The following BCR variants were observed in gnomAD, a reference collection of about 807,000 sequenced individuals.
BCR encodes BCR activator of RhoGEF and GTPase.
In BCR, 58 loss-of-function variants were observed where a neutral mutation model predicts 138.6. That is an observed-to-expected ratio of 0.42 (90% CI 0.34 to 0.52). The LOEUF is 0.52. Among genes scored for constraint, BCR ranks in the 20% least tolerant of loss-of-function variants. The probability of loss-of-function intolerance (pLI) is 0.06; values close to 1 mark genes in which losing one functional copy is unlikely to be tolerated. For missense variants in BCR, 1,599 were observed against 1,727.2 expected (o/e 0.93, Z 1.32); for synonymous variants, 786 against 730.1 (o/e 1.08, Z -1.23).
At chr22:23,267,558 G>A (rs919906198) in intron 4 of BCR, among the ~76,000 whole-genome samples, 11 of 152,220 alleles carry the variant, frequency 7.2e-5, no homozygotes, top group African/African-American at 2.7e-4. Context: ...AGCCGTGAAT[G>A]CCTTGGGCTT....
At chr22:23,208,717 TG>T (rs2072646164) in intron 1 of BCR, among the ~76,000 whole-genome samples, 1 of 152,136 alleles carries the variant, frequency 6.6e-6, no homozygotes, top group South Asian at 2.1e-4. Context: ...TAGCCAGGCA[TG>T]GTAGCGGGCG....
chr22:23,309,170 C>T (rs1391589147), intron 16 of BCR, among the ~76,000 whole-genome samples: 1 of 152,062 alleles, frequency 6.6e-6, no homozygotes, highest in Admixed American at 6.5e-5. Flanking sequence ...CAGCTCCCAA[C>T]TGGGCGGGGC....
At chr22:23,213,372 T>C (rs899423980) in intron 1 of BCR, among the ~76,000 whole-genome samples, 2 of 152,116 alleles carry the variant, frequency 1.3e-5, no homozygotes, top group East Asian at 3.9e-4. Context: ...CTGAGAGGTG[T>C]GGAGAGTCGT....
intron 20 of BCR, among the ~76,000 whole-genome samples, chr22:23,313,549 G>A (rs1404022785): frequency 6.6e-6 from 1 of 152,212 alleles, no homozygotes; most frequent in East Asian, 1.9e-4. Context: ...GGACGACGAG[G>A]GGGTCTCTGC....
At chr22:23,209,568 G>C (rs2072658254) in intron 1 of BCR, among the ~76,000 whole-genome samples, 1 of 136,720 alleles carries the variant, frequency 7.3e-6, no homozygotes, top group Non-Finnish European at 1.5e-5. Flanking sequence ...TTTTGAGATG[G>C]AGTCTCGCTC....
rs112118235 is a variant in BCR, at chr22:23,232,376, G to GT, written c.1280-21420dup. 5.0e-3 allele frequency among the ~76,000 whole-genome samples: 759 copies of GT among 152,346 alleles called. 8 individuals carry two copies. The highest frequency in any genetic ancestry group is 0.018 in the African/African-American group (730 of 41,576). Reference sequence around the variant, plus strand: ...CCCACCTGGGCAGTGGTAGGGCTGGGTTTGAACCAAGGTCTGCACTGCCCA... The same window carrying GT: ...CCCACCTGGGCAGTGGTAGGGCTGGGTTTTGAACCAAGGTCTGCACTGCCCA... On this transcript the variant is annotated intron_variant, in intron 1 of 22. Coordinates refer to ENST00000305877, the MANE Select transcript of BCR (RefSeq NM_004327.4).
intron 14 of BCR, chr22:23,290,841 C>CT (rs916081439): frequency 9.2e-6 from 2 of 218,380 alleles, no homozygotes; most frequent in African/African-American, 4.5e-5. Context: ...TCCTTTCCCT[C>CT]TAAGTGGGGG....
intron 14 of BCR, 35 bp from the exon 15 acceptor site, chr22:23,292,506 C>T (rs918674543): frequency 4.7e-6 from 7 of 1,493,588 alleles, no homozygotes; most frequent in Non-Finnish European, 5.6e-6. Context: ...GTGGAAAAGA[C>T]CTGTGACCTT....
intron 1 of BCR, among the ~76,000 whole-genome samples, chr22:23,217,690 T>C (rs1468973833): frequency 1.3e-5 from 2 of 152,248 alleles, no homozygotes; most frequent in African/African-American, 2.4e-5. Context: ...ATTGTTTTCC[T>C]AAACAGATGG....
chr22:23,295,197 G>T, intron 16 of BCR, 42 bp downstream of exon 16: 8 of 1,563,954 alleles, frequency 5.1e-6, no homozygotes, highest in Non-Finnish European at 7.0e-6. Flanking sequence ...GATGCATGGC[G>T]TCCTTTTTCA....
intron 1 of BCR, chr22:23,242,867 T>C (rs548056691): frequency 2.2e-6 from 1 of 455,882 alleles, no homozygotes. Context: ...CCAGGCTGTC[T>C]CTGGAGGCTC....
Position 23,316,789 on chromosome 22 carries a change from G to A in BCR, c.*1267G>A, listed in dbSNP as rs11912264. On this transcript the variant is annotated 3_prime_UTR_variant, in exon 23 of 23. Coordinates refer to ENST00000305877, the MANE Select transcript of BCR (RefSeq NM_004327.4). ...CGCTACCCCATCTGCCGACACCTGC[G>A]GGGGAGCCCAGGCATTCTTTGTAAA... 5,408 of 107,438 alleles carry A rather than the reference G, an allele frequency of 0.05. 347 individuals carry two copies. Among genetic ancestry groups the A allele is most frequent in the Non-Finnish European group, 0.055 (2,772 of 50,196 alleles). 6.7% of individuals were successfully genotyped at this position (107,438 alleles called of 1,614,324 possible).
chr22:23,216,431 A>C (rs2072752804), intron 1 of BCR, among the ~76,000 whole-genome samples: 1 of 152,234 alleles, frequency 6.6e-6, no homozygotes, highest in South Asian at 2.1e-4. Context: ...GCTGGAAACA[A>C]ACTGAGCATC....
At chr22:23,288,892 T>C (rs2073749514) in intron 12 of BCR, among the ~76,000 whole-genome samples, 1 of 152,214 alleles carries the variant, frequency 6.6e-6, no homozygotes, top group Non-Finnish European at 1.5e-5. Flanking sequence ...GGGCTCTGCA[T>C]GCCTCTGGCC....
intron 1 of BCR, among the ~76,000 whole-genome samples, chr22:23,191,451 A>AAACAAC (rs146041852): frequency 0.29 from 43,767 of 151,790 alleles, 6,349 homozygotes; most frequent in East Asian, 0.35. Flanking sequence ...CTTGTCTTTA[A>AAACAAC]AACAACAACA....
intron 6 of BCR, 68 bp from the exon 7 acceptor site, chr22:23,273,013 G>A (rs985664653): frequency 2.1e-5 from 32 of 1,552,860 alleles, no homozygotes; most frequent in South Asian, 4.5e-5. Flanking sequence ...CCCTTGCACC[G>A]AGGGTGGTCA....
chr22:23,199,817 G>A (rs754340839), intron 1 of BCR, among the ~76,000 whole-genome samples: 3 of 152,150 alleles, frequency 2.0e-5, no homozygotes, highest in Non-Finnish European at 4.4e-5. Flanking sequence ...GGGGCCAGGC[G>A]CGATGGCTCA....
intron 6 of BCR, 92 bp downstream of exon 6, chr22:23,271,684 A>G: frequency 2.3e-6 from 3 of 1,285,764 alleles, no homozygotes; most frequent in South Asian, 2.4e-5. Context: ...CACAGTGCCC[A>G]CTTGGGTCAT....
chr22:23,291,726 G>C (rs1249177935), intron 14 of BCR, among the ~76,000 whole-genome samples: 1 of 152,084 alleles, frequency 6.6e-6, no homozygotes, highest in Admixed American at 6.5e-5. Context: ...CTTATGTCCT[G>C]TCCCTTTGAG....
Sources: gnomAD v4.1 joint callset for allele counts (sites outside exome capture counted in the v4.1 genomes callset) on GRCh38, gnomAD v4.1.1 for gene constraint, MANE v1.5 for transcripts, NCBI Gene and HGNC (gene_info 2026-07-23, HGNC 2026-07-21) for gene names.